Variants in PSMA7 observed in about 807,000 individuals in gnomAD.
The protein encoded by PSMA7 is proteasome 20S subunit alpha 7, also known as proteasome subunit alpha type-7.
In PSMA7, 5 loss-of-function variants were observed where a neutral mutation model predicts 31.3. The ratio of observed to expected loss-of-function variants is 0.16; its 90% CI spans 0.08 to 0.34. The LOEUF (loss-of-function observed/expected upper bound fraction) is 0.34, where lower values mean the gene tolerates loss of function less well. PSMA7 is among the 10% of genes least tolerant of loss of function. PSMA7 has a pLI of 1.00. For synonymous variants in PSMA7, 155 were observed against 121.9 expected (o/e 1.27, Z -1.79); for missense variants, 217 against 327.5 (o/e 0.66, Z 2.60).
chr20:62,137,501 A>C, intron 5 of PSMA7, 75 bp from the exon 6 acceptor site: 1 of 1,405,852 alleles, frequency 7.1e-7, no homozygotes, highest in Non-Finnish European at 1.0e-6. Flanking sequence ...GGAGTACCTT[A>C]AATAGGTGTG....
intron 6 of PSMA7, 66 bp downstream of exon 6, chr20:62,137,298 T>C: frequency 6.7e-7 from 1 of 1,502,282 alleles, no homozygotes; most frequent in Non-Finnish European, 9.3e-7. Context: ...TCGGAACTGG[T>C]ACTGCTCAGC....
At position 62,139,804 on chromosome 20, in the gene PSMA7, G is replaced by T; in HGVS notation, c.325C>A (p.Arg109Ser). 2 of 1,614,088 alleles carry T rather than the reference G, an allele frequency of 1.2e-6. No individual in the cohort carries two copies. The highest frequency in any genetic ancestry group is 1.7e-6 in the Non-Finnish European group (2 of 1,180,050). Residue 109 changes from arginine (R) to serine (S), a missense_variant, in exon 3 of 7, where the codon CGC becomes AGC. Around this residue, in one of 3 missense-constraint regions of PSMA7, gnomAD observed 53 missense variants for 119.4 expected, o/e 0.44. Coordinates refer to ENST00000370873, the MANE Select transcript of PSMA7 (RefSeq NM_002792.4). The part of the protein sequence containing the change: ...EDPVTVEYIT[R>S]YIASLKQRYT... ...ACCTGCTTCAGACTGGCGATGTAGCGGGTGATGTACTCCACAGTGACCGGG... is the reference window on the plus strand; with the variant it reads ...ACCTGCTTCAGACTGGCGATGTAGCTGGTGATGTACTCCACAGTGACCGGG...
chr20:62,138,381 C>G, intron 4 of PSMA7, 91 bp from the exon 5 acceptor site: 2 of 1,489,036 alleles, frequency 1.3e-6, no homozygotes, highest in Non-Finnish European at 1.8e-6. Context: ...GGCCGCCCAG[C>G]CAGTGGCAGT....
rs779573312 is a variant in PSMA7, at chr20:62,140,909, A to G, written c.132T>C (p.Gly44=). 5.6e-6 allele frequency: 9 copies of G among 1,614,214 alleles called. No homozygotes were observed. The highest frequency in any genetic ancestry group is 7.6e-6 in the Non-Finnish European group (9 of 1,180,018). ...GTTTGGCCACTGACTTCTTCTCCAC[A>G]CCAAGAACAACAATGTCTCTTCCTC... is the stretch of plus-strand genomic sequence containing the variant. ...GVRGRDIVVL[G]VEKKSVAKLQ... is the part of the protein sequence containing the mutation. The change falls in exon 2 of 7, where the codon GGT becomes GGC. Residue 44 remains glycine (G), a synonymous_variant. Coordinates refer to ENST00000370873, the MANE Select transcript of PSMA7 (RefSeq NM_002792.4).
chr20:62,140,713 C>CA, intron 2 of PSMA7, 105 bp downstream of exon 2: 1 of 1,337,204 alleles, frequency 7.5e-7, no homozygotes, highest in South Asian at 1.5e-5. Context: ...TTCATTTACT[C>CA]AGTTTATATG....
intron 5 of PSMA7, among the ~76,000 whole-genome samples, 195 bp from the exon 6 acceptor site, chr20:62,137,621 C>T (rs564938165): frequency 1.3e-5 from 2 of 152,312 alleles, no homozygotes; most frequent in African/African-American, 4.8e-5. Context: ...CCTGCACACC[C>T]CTCCGCCTCC....
At chr20:62,141,930 G>A (rs2145667520) in intron 1 of PSMA7, among the ~76,000 whole-genome samples, 2 of 152,320 alleles carry the variant, frequency 1.3e-5, no homozygotes, top group Middle Eastern at 3.4e-3. Flanking sequence ...TTTAGAGCAG[G>A]GCTTCTCCAG....
At position 62,143,366 on chromosome 20, in the gene PSMA7, C is replaced by G; in HGVS notation, c.-63G>C. The G allele has an allele frequency of 1.1e-6, 1 of 951,198 alleles. No individual in the cohort carries two copies. Among genetic ancestry groups the G allele is most frequent in the Non-Finnish European group, 1.3e-6 (1 of 743,950 alleles). The allele number at this position is 951,198 out of a possible 1,614,324, so 58.9% of individuals were successfully genotyped here. ...CTCAAAAGCGCACACTCACGGCCCG[C>G]GCGCACCCGCGACTCCCGGCGCCAC... On this transcript the variant is annotated 5_prime_UTR_variant, in exon 1 of 7. Transcript: ENST00000370873.
At chr20:62,136,983 C>T (rs769129730) in intron 6 of PSMA7, 34 bp from the exon 7 acceptor site, 1 of 1,590,496 alleles carries the variant, frequency 6.3e-7, no homozygotes, top group East Asian at 2.2e-5. Flanking sequence ...ACCTAAGCCA[C>T]ACAAGGTGCC....
intron 1 of PSMA7, 24 bp downstream of exon 1, chr20:62,143,184 C>T: frequency 7.4e-7 from 1 of 1,356,714 alleles, no homozygotes; most frequent in Non-Finnish European, 9.6e-7. Flanking sequence ...CGTCCCCGGC[C>T]CCGCGCAGGC....
rs948090147 is a variant in PSMA7 at position 62,136,805 on chromosome 20, T to C, written c.*52A>G. ...AATGGAAAGGCCTACACATCGAGAC[T>C]CATCCATGATTGATATGAATTTAAA... On this transcript the variant is annotated 3_prime_UTR_variant, in exon 7 of 7. Transcript: ENST00000370873. 5 of 1,564,950 alleles carry C rather than the reference T, an allele frequency of 3.2e-6. No individual in the cohort carries two copies. In the African/African-American group the frequency reaches 6.9e-5, roughly 22 times the overall value.
intron 4 of PSMA7, 34 bp from the exon 5 acceptor site, chr20:62,138,324 G>C: frequency 3.8e-6 from 6 of 1,563,066 alleles, no homozygotes; most frequent in Non-Finnish European, 5.2e-6. Context: ...ACGTGGCATA[G>C]GGCATGACAA....
chr20:62,141,388 C>T (rs979961626), intron 1 of PSMA7, among the ~76,000 whole-genome samples: 2 of 152,204 alleles, frequency 1.3e-5, no homozygotes, highest in African/African-American at 4.8e-5. Context: ...GGTGCGTTCA[C>T]CCACACCCCT....
chr20:62,140,676 G>C, intron 2 of PSMA7, 142 bp downstream of exon 2: 1 of 1,141,480 alleles, frequency 8.8e-7, no homozygotes, highest in Non-Finnish European at 1.2e-6. Context: ...CAACTTAAAA[G>C]TCCAAATCCA....
At position 62,139,066 on chromosome 20, in the gene PSMA7, C is replaced by T. The variant is rs376531401; in HGVS notation, c.471+9G>A. 9.3e-6 allele frequency: 15 copies of T among 1,613,276 alleles called. No individual in the cohort carries two copies. Among genetic ancestry groups the T allele is most frequent in the African/African-American group, 2.7e-5 (2 of 74,914 alleles). ...AAGACTGTCCAAAGCCCCTTTGTCA[C>T]GAACTCACCTTCCAGGCATGGTATG... On this transcript the variant is annotated intron_variant, in intron 4 of 6. Transcript: ENST00000370873.
rs545363844 is a variant in PSMA7 at position 62,139,644 on chromosome 20, T to C, written c.348+137A>G. The C allele has an allele frequency of 3.9e-4, 560 of 1,425,276 alleles. 2 individuals carry two copies. In the South Asian group the frequency reaches 6.2e-3, roughly 16 times the overall value. The allele number at this position is 1,425,276 out of a possible 1,614,324, so 88.3% of individuals were successfully genotyped here. On this transcript the variant is annotated intron_variant, in intron 3 of 6. Coordinates refer to ENST00000370873, the MANE Select transcript of PSMA7 (RefSeq NM_002792.4). The stretch of plus-strand genomic sequence containing the variant: ...GGTGAGCTAGGTCAAGTTACACTTG[T>C]GCAAGTCAAGATTAGGATCACGCCC...
chr20:62,138,107 C>T, intron 5 of PSMA7, 64 bp downstream of exon 5: 1 of 1,609,686 alleles, frequency 6.2e-7, no homozygotes. Context: ...GCTCATCTAC[C>T]TACCACTCAC....
chr20:62,139,523 C>CA, intron 3 of PSMA7: 1 of 714,938 alleles, frequency 1.4e-6, no homozygotes, highest in Non-Finnish European at 2.3e-6. Flanking sequence ...ACTGGTCACT[C>CA]AGGATGGCAA....
At position 62,143,321 on chromosome 20, in the gene PSMA7, G is replaced by C. The variant is rs1398011489; in HGVS notation, c.-18C>G. On this transcript the variant is annotated 5_prime_UTR_variant, in exon 1 of 7. Coordinates refer to ENST00000370873, the MANE Select transcript of PSMA7 (RefSeq NM_002792.4). ...TAGCTCATGCCGGCGGGCGGCGGCCGGGCTCCTTCCGCCGCGACTCTCAAA... is the reference window on the plus strand; with the variant it reads ...TAGCTCATGCCGGCGGGCGGCGGCCCGGCTCCTTCCGCCGCGACTCTCAAA... 8.0e-6 allele frequency: 11 copies of C among 1,378,066 alleles called. No homozygotes were observed. Among genetic ancestry groups the C allele is most frequent in the Non-Finnish European group, 9.5e-6 (10 of 1,048,786 alleles). The allele number at this position is 1,378,066 out of a possible 1,614,324, so 85.4% of individuals were successfully genotyped here.
Sources: gnomAD v4.1 joint callset for allele counts (sites outside exome capture counted in the v4.1 genomes callset) on GRCh38, gnomAD v4.1.1 for gene constraint, gnomAD v4.1.1 regional missense constraint, MANE v1.5 for transcripts, NCBI Gene and HGNC (gene_info 2026-07-23, HGNC 2026-07-21) for gene names.